Variants in MGLL observed in about 807,000 individuals in gnomAD.
MGLL encodes monoglyceride lipase, also known as lysophospholipase homolog.
MGLL carries 7 observed loss-of-function variants against 29.1 expected under a neutral mutation model. The observed-to-expected ratio is 0.24, with a 90% CI of 0.14 to 0.45. The LOEUF (loss-of-function observed/expected upper bound fraction) is 0.45. Among genes scored for constraint, MGLL ranks in the 20% least tolerant of loss-of-function variants. The pLI is 0.99. For synonymous variants in MGLL, 148 were observed against 168.3 expected (o/e 0.88, Z 0.93); for missense variants, 356 against 413.6 (o/e 0.86, Z 1.21).
chr3:127,742,661 T>C (rs1396843988), intron 3 of MGLL, among the ~76,000 whole-genome samples: 2 of 151,046 alleles, frequency 1.3e-5, no homozygotes, highest in Non-Finnish European at 2.9e-5. Flanking sequence ...GCTCAAGTTA[T>C]GTGTTTCTCC....
At position 127,708,298 on chromosome 3, in the gene MGLL, C is replaced by G. The variant is rs183823408; in HGVS notation, c.600+2278G>C. ...CTTGATTTTTCCAACTGCAGTCCAG[C>G]CTTGGGGCTGACCGGCCACCTCCCT... On this transcript the variant is annotated intron_variant, in intron 6 of 7. Coordinates refer to ENST00000265052, the MANE Select transcript of MGLL (RefSeq NM_007283.7). Among the ~76,000 whole-genome samples the G allele has an allele frequency of 8.5e-4, 130 of 152,314 alleles. 2 individuals are homozygous for G. Among genetic ancestry groups the G allele is most frequent in the Admixed American group, 8.5e-3 (130 of 15,292 alleles).
chr3:127,776,624 A>T (rs1031191174), intron 3 of MGLL, among the ~76,000 whole-genome samples: 2 of 152,180 alleles, frequency 1.3e-5, no homozygotes, highest in African/African-American at 4.8e-5. Flanking sequence ...CCAGCAGCGC[A>T]TCCATGGCAC....
chr3:127,702,975 A>T (rs916421090), intron 6 of MGLL, among the ~76,000 whole-genome samples: 3 of 152,168 alleles, frequency 2.0e-5, no homozygotes, highest in Non-Finnish European at 2.9e-5. Context: ...GATTACAGGC[A>T]TGAGCCACCG....
intron 3 of MGLL, among the ~76,000 whole-genome samples, chr3:127,756,588 A>T (rs1307165477): frequency 6.6e-6 from 1 of 152,066 alleles, no homozygotes. Flanking sequence ...AGAGGAACAA[A>T]CTATCTTTTC....
At chr3:127,709,487 A>G (rs1012753154) in intron 6 of MGLL, among the ~76,000 whole-genome samples, 1 of 152,048 alleles carries the variant, frequency 6.6e-6, no homozygotes, top group Non-Finnish European at 1.5e-5. Context: ...ATTCCTCTTG[A>G]GTTGCCCACT....
At chr3:127,811,819 T>A (rs891025191) in intron 2 of MGLL, among the ~76,000 whole-genome samples, 6 of 152,220 alleles carry the variant, frequency 3.9e-5, no homozygotes, top group African/African-American at 1.4e-4. Flanking sequence ...GGTAAAGCCA[T>A]CCAAGACTGG....
intron 7 of MGLL, among the ~76,000 whole-genome samples, chr3:127,694,285 A>AAT (rs2075306137): frequency 8.9e-6 from 1 of 112,210 alleles, no homozygotes; most frequent in African/African-American, 3.3e-5. Context: ...AAAAAAAAAA[A>AAT]AATATATATA....
At chr3:127,822,249 T>G in intron 1 of MGLL, 60 bp downstream of exon 1, 2 of 1,555,022 alleles carry the variant, frequency 1.3e-6, no homozygotes, top group Non-Finnish European at 1.8e-6. Flanking sequence ...GGCACAATAA[T>G]GAGGTGGATG....
chr3:127,732,514 C>T (rs2107642825), intron 3 of MGLL, among the ~76,000 whole-genome samples: 1 of 152,128 alleles, frequency 6.6e-6, no homozygotes. Flanking sequence ...GAAAAGCCTT[C>T]TTAACAAGAT....
At position 127,721,236 on chromosome 3, in the gene MGLL, A is replaced by G. The variant is rs1275082783; in HGVS notation, c.400-73T>C. The G allele has an allele frequency of 1.2e-5, 16 of 1,321,958 alleles. No homozygotes were observed. The Admixed American group carries it at 1.4e-4, about 12-fold the overall frequency. The allele number at this position is 1,321,958 out of a possible 1,614,324, so 81.9% of individuals were successfully genotyped here. On this transcript the variant is annotated intron_variant, in intron 4 of 7. Transcript: ENST00000265052. ...CACACATTTCTAATAAACATGACCAATGCAGTCCTCTTAAGCTGCAGTCCT... is the reference window on the plus strand; with the variant it reads ...CACACATTTCTAATAAACATGACCAGTGCAGTCCTCTTAAGCTGCAGTCCT...
chr3:127,691,935 A>G lies in MGLL; in HGVS notation c.*263T>C, dbSNP rs2075253161. 2 of 490,462 alleles carry G rather than the reference A, an allele frequency of 4.1e-6. No homozygotes were observed. Among genetic ancestry groups the G allele is most frequent in the Non-Finnish European group, 7.3e-6 (2 of 275,516 alleles). The allele number at this position is 490,462 out of a possible 1,614,324, so 30.4% of individuals were successfully genotyped here. ...AGGCTTGGCTTTGTTTTCAGTGGAC[A>G]TTTTAGCACATTCTTTGTGGAAAAT... On this transcript the variant is annotated 3_prime_UTR_variant, in exon 8 of 8. Coordinates refer to ENST00000265052, the MANE Select transcript of MGLL (RefSeq NM_007283.7).
intron 2 of MGLL, among the ~76,000 whole-genome samples, chr3:127,803,359 C>T (rs892094275): frequency 3.9e-5 from 6 of 152,162 alleles, no homozygotes; most frequent in Admixed American, 2.0e-4. Flanking sequence ...ACCTCCAGGC[C>T]GCCTGAAGGA....
At chr3:127,741,282 G>A (rs976648652) in intron 3 of MGLL, among the ~76,000 whole-genome samples, 6 of 152,224 alleles carry the variant, frequency 3.9e-5, no homozygotes, top group African/African-American at 1.4e-4. Context: ...TGTGTGTGGC[G>A]ACCCCAGCTC....
chr3:127,743,407 G>A (rs11715987), intron 3 of MGLL, among the ~76,000 whole-genome samples: 17,092 of 151,770 alleles, frequency 0.11, 1,120 homozygotes, highest in Non-Finnish European at 0.15. Context: ...ATGCTCCTGC[G>A]ACATCCAATA....
In MGLL at chr3:127,692,018, T is replaced by C. The variant is rs2075254999; in HGVS notation, c.*180A>G. 2 of 774,426 alleles carry C rather than the reference T, an allele frequency of 2.6e-6. No individual in the cohort carries two copies. The highest frequency in any genetic ancestry group is 3.7e-5 in the South Asian group (2 of 53,832). 48.0% of individuals were successfully genotyped at this position (774,426 alleles called of 1,614,324 possible). On this transcript the variant is annotated 3_prime_UTR_variant, in exon 8 of 8. Coordinates refer to ENST00000265052, the MANE Select transcript of MGLL (RefSeq NM_007283.7). ...TGTCTAACCATTAAGGTAGGTCCAGTGTCTGATAGTCTAATGTATAACAAA... is the reference window on the plus strand; with the variant it reads ...TGTCTAACCATTAAGGTAGGTCCAGCGTCTGATAGTCTAATGTATAACAAA...
At chr3:127,693,751 G>A (rs542502458) in intron 7 of MGLL, among the ~76,000 whole-genome samples, 5 of 152,336 alleles carry the variant, frequency 3.3e-5, no homozygotes, top group Non-Finnish European at 7.3e-5. Context: ...CAGGTTCCGG[G>A]GGGGCAGGGC....
intron 7 of MGLL, among the ~76,000 whole-genome samples, chr3:127,692,671 G>A (rs1346346153): frequency 6.6e-6 from 1 of 152,078 alleles, no homozygotes; most frequent in African/African-American, 2.4e-5. Context: ...ACCTCCACGG[G>A]GTCCTCAGCT....
intron 2 of MGLL, among the ~76,000 whole-genome samples, chr3:127,800,900 C>T (rs564495067): frequency 2.6e-5 from 4 of 152,316 alleles, no homozygotes; most frequent in East Asian, 3.9e-4. Flanking sequence ...CTCAGAGTCC[C>T]GTAGAGCTCA....
chr3:127,716,147 C>A lies in MGLL; in HGVS notation c.510+4906G>T, dbSNP rs189935527. On this transcript the variant is annotated intron_variant, in intron 5 of 7. Coordinates refer to ENST00000265052, the MANE Select transcript of MGLL (RefSeq NM_007283.7). The stretch of plus-strand genomic sequence containing the variant: ...CCAAAACCCATGACAAATGGCTACA[C>A]AGTCACTAGACCCCAACCCCGGAAG... 1.5e-4 allele frequency among the ~76,000 whole-genome samples: 23 copies of A among 152,374 alleles called. No homozygotes were observed. In the East Asian group the frequency reaches 3.7e-3, roughly 24 times the overall value.
Sources: gnomAD v4.1 joint callset for allele counts (sites outside exome capture counted in the v4.1 genomes callset) on GRCh38, gnomAD v4.1.1 for gene constraint, MANE v1.5 for transcripts, NCBI Gene and HGNC (gene_info 2026-07-23, HGNC 2026-07-21) for gene names.